The following SLC5A8 variants were observed in gnomAD, a reference collection of about 807,000 sequenced individuals.
The protein encoded by SLC5A8 is sodium-coupled monocarboxylate transporter 1.
A neutral mutation model predicts 71.9 loss-of-function variants in SLC5A8; 55 were observed. The ratio of observed to expected loss-of-function variants is 0.77; its 90% confidence interval spans 0.62 to 0.96. The LOEUF is 0.96. Ranked by LOEUF, SLC5A8 falls within the 40% of genes least tolerant of loss-of-function variation. SLC5A8 has a pLI of 0.00. For missense variants in SLC5A8, 701 were observed against 745.3 expected (o/e 0.94, Z 0.69); for synonymous variants, 307 against 276.1 (o/e 1.11, Z -1.11).
In SLC5A8 at chr12:101,193,704, T is replaced by C. The variant is rs764941937; in HGVS notation, c.613A>G (p.Ile205Val). ...IMVAGFASVI[I>V]QAVVMQGGIS... Reference sequence around the variant, plus strand: ...CCACCTTGCATCACCACAGCCTGTATAATCACGGATGCAAATCCAGCCACC... The same window carrying C: ...CCACCTTGCATCACCACAGCCTGTACAATCACGGATGCAAATCCAGCCACC... The change falls in exon 5 of 15, where the codon ATA becomes GTA. Residue 205 changes from isoleucine (I) to valine (V), a missense_variant. By Grantham distance (29) the Ile-to-Val change is conservative. Coordinates refer to ENST00000536262, the MANE Select transcript of SLC5A8 (RefSeq NM_145913.5). 1 of 1,614,198 alleles carries C rather than the reference T, an allele frequency of 6.2e-7. No individual in the cohort carries two copies. The highest frequency in any genetic ancestry group is 1.1e-5 in the South Asian group (1 of 91,088).
chr12:101,202,121 A>G (rs370421134), intron 3 of SLC5A8, 43 bp downstream of exon 3: 1 of 1,587,816 alleles, frequency 6.3e-7, no homozygotes, highest in African/African-American at 1.3e-5. Context: ...TTGAAAGTGA[A>G]CCCCAAAATG....
intron 2 of SLC5A8, 136 bp from the exon 3 acceptor site, chr12:101,202,351 A>C: frequency 1.2e-6 from 1 of 818,476 alleles, no homozygotes; most frequent in South Asian, 2.2e-5. Flanking sequence ...CACCTAATAA[A>C]ATTTGTTTGT....
At chr12:101,174,522 T>G (rs2051861204) in intron 10 of SLC5A8, among the ~76,000 whole-genome samples, 1 of 152,202 alleles carries the variant, frequency 6.6e-6, no homozygotes, top group Admixed American at 6.5e-5. Context: ...AGCTGTTTCT[T>G]TCATAAAGGG....
intron 6 of SLC5A8, 137 bp from the exon 7 acceptor site, chr12:101,187,652 CTACTT>C (rs1868716214): frequency 1.1e-6 from 1 of 937,900 alleles, no homozygotes; most frequent in Admixed American, 3.4e-5. Context: ...ATCGAAAACT[CTACTT>C]ATTTTATTCT....
chr12:101,161,930 T>C (rs1394253812), intron 13 of SLC5A8, 44 bp downstream of exon 13: 3 of 1,338,786 alleles, frequency 2.2e-6, no homozygotes, highest in South Asian at 2.4e-5. Flanking sequence ...CAGTAAAAAC[T>C]GATATAGAGG....
At chr12:101,183,123 G>T (rs1358472599) in intron 8 of SLC5A8, among the ~76,000 whole-genome samples, 1 of 128,680 alleles carries the variant, frequency 7.8e-6, no homozygotes, top group African/African-American at 3.0e-5. Flanking sequence ...TCGACTCACT[G>T]CAAGCTCTGC....
intron 10 of SLC5A8, among the ~76,000 whole-genome samples, chr12:101,175,287 G>T (rs1293887099): frequency 2.0e-5 from 3 of 151,574 alleles, no homozygotes; most frequent in Admixed American, 1.3e-4. Flanking sequence ...ATGAAATGAA[G>T]AAATATAAAA....
chr12:101,175,896 A>G (rs2051875594), intron 10 of SLC5A8, among the ~76,000 whole-genome samples: 1 of 152,084 alleles, frequency 6.6e-6, no homozygotes, highest in South Asian at 2.1e-4. Flanking sequence ...AGGAAATGGT[A>G]GAAAGAAGGA....
At chr12:101,179,420 T>C (rs1047655988) in intron 10 of SLC5A8, among the ~76,000 whole-genome samples, 2 of 152,166 alleles carry the variant, frequency 1.3e-5, no homozygotes, top group East Asian at 1.9e-4. Flanking sequence ...GCTGAGTAGG[T>C]AAACAAACTG....
intron 9 of SLC5A8, 60 bp from the exon 10 acceptor site, chr12:101,180,156 T>C (rs1014554326): frequency 1.0e-4 from 156 of 1,511,918 alleles, no homozygotes; most frequent in Non-Finnish European, 1.4e-4. Context: ...GAATTCTCAA[T>C]AGAATAATCC....
At chr12:101,199,698 G>A (rs532859916) in intron 3 of SLC5A8, among the ~76,000 whole-genome samples, 5 of 151,930 alleles carry the variant, frequency 3.3e-5, no homozygotes, top group South Asian at 2.1e-4. Flanking sequence ...CACATATTGC[G>A]TAGTGGACAT....
intron 13 of SLC5A8, among the ~76,000 whole-genome samples, 184 bp from the exon 14 acceptor site, chr12:101,158,512 C>T (rs2051688864): frequency 6.8e-6 from 1 of 146,314 alleles, no homozygotes; most frequent in Non-Finnish European, 1.5e-5. Context: ...CCTTAATTAG[C>T]CCCAGGTCTT....
rs1869834568 is a variant in SLC5A8, at chr12:101,209,666, G to C, written c.183C>G (p.Leu61=). The change falls in exon 1 of 15, where the codon CTC becomes CTG. Residue 61 remains leucine (L), a synonymous_variant. Coordinates refer to ENST00000536262, the MANE Select transcript of SLC5A8 (RefSeq NM_145913.5). ...TGACGGCTGACATGAAGCTAGCGGT[G>C]AGGGACAGCGCCACGGGCACTGCGG... The part of the protein sequence containing the change: ...RMTAVPVALS[L]TASFMSAVTV... 6 of 1,613,866 alleles carry C rather than the reference G, an allele frequency of 3.7e-6. No individual in the cohort carries two copies. Among genetic ancestry groups the C allele is most frequent in the Non-Finnish European group, 5.1e-6 (6 of 1,180,046 alleles).
chr12:101,186,164 C>A (rs1240397411), intron 7 of SLC5A8, among the ~76,000 whole-genome samples: 1 of 146,094 alleles, frequency 6.8e-6, no homozygotes, highest in Non-Finnish European at 1.5e-5. Flanking sequence ...CTTCATGATA[C>A]AAACTACAGA....
At chr12:101,172,621 G>A (rs543057221) in intron 10 of SLC5A8, among the ~76,000 whole-genome samples, 2 of 152,222 alleles carry the variant, frequency 1.3e-5, no homozygotes, top group East Asian at 3.9e-4. Context: ...GGTGGGTAGG[G>A]AGCGAGGTGC....
intron 2 of SLC5A8, among the ~76,000 whole-genome samples, chr12:101,203,814 G>A (rs1412502935): frequency 6.6e-6 from 1 of 152,228 alleles, no homozygotes; most frequent in African/African-American, 2.4e-5. Context: ...CAGAAGCACG[G>A]TGAACAGTGG....
chr12:101,207,225 C>A (rs1176357478), intron 1 of SLC5A8, among the ~76,000 whole-genome samples: 1 of 152,226 alleles, frequency 6.6e-6, no homozygotes, highest in East Asian at 1.9e-4. Context: ...TCTCTCTGCA[C>A]TGGCGTAAGC....
intron 10 of SLC5A8, among the ~76,000 whole-genome samples, chr12:101,179,025 T>C (rs186122545): frequency 7.2e-5 from 11 of 152,090 alleles, no homozygotes; most frequent in African/African-American, 2.7e-4. Flanking sequence ...TGAAAGAAGA[T>C]ACATAGATGA....
At chr12:101,158,190 G>T in intron 14 of SLC5A8, 59 bp downstream of exon 14, 1 of 1,172,032 alleles carries the variant, frequency 8.5e-7, no homozygotes, top group Non-Finnish European at 1.3e-6. Context: ...ACTAATTAGT[G>T]TTCTATCCAG....
Sources: gnomAD v4.1 joint callset for allele counts (sites outside exome capture counted in the v4.1 genomes callset) on GRCh38, gnomAD v4.1.1 for gene constraint, MANE v1.5 for transcripts, NCBI Gene and HGNC (gene_info 2026-07-23, HGNC 2026-07-21) for gene names.